The following EPM2A variants were observed in gnomAD, a reference collection of about 807,000 sequenced individuals.
EPM2A encodes the protein EPM2A glucan phosphatase, laforin.
Under a neutral mutation model 26.5 loss-of-function variants are expected in EPM2A, and 21 were observed. The observed-to-expected ratio is 0.79, with a 90% confidence interval of 0.56 to 1.14. The LOEUF is 1.14. EPM2A is among the 50% of genes most tolerant of loss of function. The pLI, the probability that EPM2A is intolerant of heterozygous loss-of-function variation, is 0.00. For missense variants in EPM2A, 458 were observed against 440.8 expected, an observed-to-expected ratio of 1.04 and a Z score of -0.35; for synonymous variants, 217 against 177.6, an observed-to-expected ratio of 1.22 and a Z score of -1.76.
chr6:145,398,148 C>T lies in EPM2A; in HGVS notation c.556-14051G>A, dbSNP rs188479025. Among the ~76,000 whole-genome samples, 1,058 of 152,230 alleles carry T rather than the reference C, an allele frequency of 7.0e-3. 6 individuals are homozygous for T. Among genetic ancestry groups the T allele is most frequent in the Non-Finnish European group, 9.7e-3 (658 of 68,022 alleles). On this transcript the variant is annotated intron_variant, in intron 4 of 4. Coordinates refer to the EPM2A transcript ENST00000638717. ...CATGTTGAGATAGGCCTGTGCATGC[C>T]AACAACTAGACACCTATAGATAATT...
At chr6:145,653,849 C>T (rs1207286947) in intron 2 of EPM2A, among the ~76,000 whole-genome samples, 2 of 152,204 alleles carry the variant, frequency 1.3e-5, no homozygotes, top group African/African-American at 4.8e-5. Context: ...TTATTCTCAT[C>T]TAAAAAACAC....
In EPM2A at chr6:145,703,354, G is replaced by C. The variant is rs1411772666; in HGVS notation, c.302-17058C>G. Among the ~76,000 whole-genome samples, 6 of 151,988 alleles carry C rather than the reference G, an allele frequency of 3.9e-5. No homozygotes were observed. In the South Asian group the frequency reaches 1.2e-3, roughly 32 times the overall value. On this transcript the variant is annotated intron_variant, in intron 1 of 3. Coordinates refer to ENST00000367519, the MANE Select transcript of EPM2A (RefSeq NM_005670.4). ...GATCTGCCCGCCTCGACCTCCCAAA[G>C]TGCTGGGATTACAGGTGTGAGCCAC...
At chr6:145,680,816 A>C (rs1780469822) in intron 2 of EPM2A, among the ~76,000 whole-genome samples, 1 of 152,056 alleles carries the variant, frequency 6.6e-6, no homozygotes, top group Non-Finnish European at 1.5e-5. Flanking sequence ...GTTGGTTCCA[A>C]GTCTTTGCTA....
intron 2 of EPM2A, among the ~76,000 whole-genome samples, chr6:145,555,788 C>T (rs965709404): frequency 6.6e-6 from 1 of 152,014 alleles, no homozygotes; most frequent in Non-Finnish European, 1.5e-5. Flanking sequence ...TTCCTCTAAC[C>T]TAACTTGGCT....
chr6:145,733,821 ATTCT>A (rs1324095588), intron 1 of EPM2A, among the ~76,000 whole-genome samples: 1 of 152,150 alleles, frequency 6.6e-6, no homozygotes, highest in Non-Finnish European at 1.5e-5. Flanking sequence ...TTCTTTACTG[ATTCT>A]TTGTTTCTAC....
chr6:145,532,499 G>C (rs1038773597), intron 2 of EPM2A, among the ~76,000 whole-genome samples: 11 of 152,062 alleles, frequency 7.2e-5, no homozygotes, highest in African/African-American at 2.7e-4. Flanking sequence ...TCTGGGGGTG[G>C]GGGGAGGCAA....
chr6:145,653,833 T>C (rs1330359117), intron 2 of EPM2A, among the ~76,000 whole-genome samples: 1 of 152,200 alleles, frequency 6.6e-6, no homozygotes, highest in East Asian at 1.9e-4. Flanking sequence ...TCTACTTATT[T>C]ATATATTATT....
chr6:145,627,733 A>C (rs1582913790), intron 3 of EPM2A, 40 bp from the exon 4 acceptor site: 1 of 1,604,960 alleles, frequency 6.2e-7, no homozygotes, highest in Non-Finnish European at 8.5e-7. Context: ...GAATAACTAA[A>C]CCACCAGATA....
chr6:145,722,697 GTGATCTTATT>G (rs1202873687), intron 1 of EPM2A: 1 of 439,434 alleles, frequency 2.3e-6, no homozygotes, highest in African/African-American at 2.1e-5. Context: ...TCCTCAGAAT[GTGATCTTATT>G]TGAAGATAGG....
chr6:145,645,440 C>T (rs1777390356), intron 2 of EPM2A, among the ~76,000 whole-genome samples: 1 of 152,082 alleles, frequency 6.6e-6, no homozygotes, highest in South Asian at 2.1e-4. Flanking sequence ...CTGAGTAGGA[C>T]TACAGGCATG....
In EPM2A at chr6:145,406,014, A is replaced by AC. The variant is rs1554233749; in HGVS notation, c.556-21918_556-21917insG. ...CACACACACACACACACACACACAC[A>AC]ACAGACAGACACACACACACACAGT... On this transcript the variant is annotated intron_variant, in intron 4 of 4. Coordinates refer to the EPM2A transcript ENST00000638717. Among the ~76,000 whole-genome samples the AC allele has an allele frequency of 1.3e-4, 17 of 126,244 alleles. No homozygotes were observed. In the East Asian group the frequency reaches 1.7e-3, roughly 12 times the overall value. The allele number at this position is 126,244 out of a possible 152,430, so 82.8% of individuals were successfully genotyped here. A position where few individuals can be genotyped will look rare whatever the true frequency, so the allele number is the denominator to read the frequency against.
chr6:145,402,526 A>G (rs1488360961), intron 4 of EPM2A, among the ~76,000 whole-genome samples: 1 of 152,150 alleles, frequency 6.6e-6, no homozygotes, highest in Non-Finnish European at 1.5e-5. Context: ...TTAGATAGTG[A>G]TGTAGTACCA....
At chr6:145,732,256 G>A (rs1349278082) in intron 1 of EPM2A, among the ~76,000 whole-genome samples, 1 of 146,408 alleles carries the variant, frequency 6.8e-6, no homozygotes, top group East Asian at 2.1e-4. Flanking sequence ...AGTAAGGAAG[G>A]GAGAGGAATG....
Position 145,630,059 on chromosome 6 carries a change from T to G in EPM2A, c.719-2366A>C, listed in dbSNP as rs527527193. ...ATGCAATACATTCCCCTTTTCATTT[T>G]ATGTGTAAAACATTCTTCAAGAGGT... On this transcript the variant is annotated intron_variant, in intron 3 of 3. Coordinates refer to ENST00000367519, the MANE Select transcript of EPM2A (RefSeq NM_005670.4). 2.0e-5 allele frequency: 3 copies of G among 152,384 alleles called. No homozygotes were observed. The East Asian group carries it at 5.8e-4, about 29-fold the overall frequency. 9.4% of individuals were successfully genotyped at this position (152,384 alleles called of 1,614,324 possible). A position where few individuals can be genotyped will look rare whatever the true frequency, so the allele number is the denominator to read the frequency against.
At chr6:145,691,725 G>A (rs1357753010) in intron 1 of EPM2A, among the ~76,000 whole-genome samples, 1 of 151,928 alleles carries the variant, frequency 6.6e-6, no homozygotes, top group Non-Finnish European at 1.5e-5. Flanking sequence ...ATGATGTTAG[G>A]TATATAATAT....
At chr6:145,724,207 C>A (rs1276436536) in intron 1 of EPM2A, among the ~76,000 whole-genome samples, 5 of 151,962 alleles carry the variant, frequency 3.3e-5, no homozygotes. Context: ...AATCCAAATT[C>A]TATGAAACAA....
At chr6:145,490,437 T>C in intron 4 of EPM2A, 1 of 750,210 alleles carries the variant, frequency 1.3e-6, no homozygotes, top group East Asian at 2.5e-5. Context: ...CATGACAATT[T>C]GGACATTCAA....
chr6:145,618,857 C>G (rs771130380), intron 2 of EPM2A, among the ~76,000 whole-genome samples: 8 of 152,034 alleles, frequency 5.3e-5, no homozygotes, highest in Non-Finnish European at 1.0e-4. Context: ...AAGAAAGAGA[C>G]AGTAGTATAT....
chr6:145,475,619 A>G (rs116627458), intron 4 of EPM2A, among the ~76,000 whole-genome samples: 1,961 of 152,216 alleles, frequency 0.013, 46 homozygotes, highest in African/African-American at 0.045. Flanking sequence ...TCATTAAAAA[A>G]AAAAATTTAA....
Sources: gnomAD v4.1 joint callset for allele counts (sites outside exome capture counted in the v4.1 genomes callset) on GRCh38, gnomAD v4.1.1 for gene constraint, MANE v1.5 for transcripts, NCBI Gene and HGNC (gene_info 2026-07-23, HGNC 2026-07-21) for gene names.